The following EBF2 variants were observed in gnomAD, a reference collection of about 807,000 sequenced individuals.
The protein encoded by EBF2 is EBF transcription factor 2.
EBF2 carries 21 observed loss-of-function variants against 72.8 expected under a neutral mutation model. That is an observed-to-expected ratio of 0.29 (90% CI 0.20 to 0.42). The LOEUF (loss-of-function observed/expected upper bound fraction) is 0.42. Ranked by LOEUF, EBF2 falls within the 10% of genes least tolerant of loss-of-function variation. The probability of loss-of-function intolerance (pLI) is 1.00; values close to 1 mark genes in which losing one functional copy is unlikely to be tolerated. For synonymous variants in EBF2, 299 were observed against 274.2 expected (o/e 1.09, Z -0.89); for missense variants, 637 against 731.2 (o/e 0.87, Z 1.49).
chr8:25,842,917 C>G lies in EBF2; in HGVS notation c.*1692G>C, dbSNP rs578166632. The stretch of plus-strand genomic sequence containing the variant: ...AATGCTGAAATCCCAACCAAGAACC[C>G]CAAACTAAGTCTGTGTATAGACTCT... On this transcript the variant is annotated 3_prime_UTR_variant, in exon 16 of 16. Transcript: ENST00000520164. 1 of 152,154 alleles carries G rather than the reference C, an allele frequency of 6.6e-6. No homozygotes were observed. The highest frequency in any genetic ancestry group is 1.5e-5 in the Non-Finnish European group (1 of 68,030). The allele number at this position is 152,154 out of a possible 1,614,324, so 9.4% of individuals were successfully genotyped here.
chr8:25,933,887 G>A (rs1239701470), intron 6 of EBF2, among the ~76,000 whole-genome samples: 1 of 152,108 alleles, frequency 6.6e-6, no homozygotes, highest in Non-Finnish European at 1.5e-5. Context: ...TTTCTGAGCG[G>A]TAAGTTACTG....
chr8:25,888,459 T>G (rs1028779156), intron 8 of EBF2, among the ~76,000 whole-genome samples: 1 of 152,218 alleles, frequency 6.6e-6, no homozygotes, highest in Non-Finnish European at 1.5e-5. Flanking sequence ...AAAAACTCTG[T>G]TGTTTTTGCC....
chr8:26,038,560 G>C (rs537519829), intron 5 of EBF2, among the ~76,000 whole-genome samples: 27 of 152,184 alleles, frequency 1.8e-4, no homozygotes, highest in African/African-American at 6.5e-4. Context: ...TCCAAACAAA[G>C]GCATAAAAAG....
At chr8:25,938,490 C>T (rs1369872395) in intron 6 of EBF2, among the ~76,000 whole-genome samples, 3 of 151,730 alleles carry the variant, frequency 2.0e-5, no homozygotes, top group Admixed American at 6.6e-5. Flanking sequence ...ATACCTTAAC[C>T]GTGTAAGATA....
intron 6 of EBF2, among the ~76,000 whole-genome samples, chr8:25,909,406 T>A (rs1330814150): frequency 6.8e-6 from 1 of 147,446 alleles, no homozygotes. Flanking sequence ...TCCTTTCCCT[T>A]AAAAAAAAAA....
chr8:25,984,606 C>T (rs942198118), intron 6 of EBF2, among the ~76,000 whole-genome samples: 4 of 151,998 alleles, frequency 2.6e-5, no homozygotes, highest in Non-Finnish European at 4.4e-5. Context: ...TGCTTGAAAC[C>T]GGGAGGCGGA....
At chr8:25,998,684 A>G (rs1418740182) in intron 6 of EBF2, among the ~76,000 whole-genome samples, 1 of 152,162 alleles carries the variant, frequency 6.6e-6, no homozygotes, top group Non-Finnish European at 1.5e-5. Context: ...CAGGGCTTAG[A>G]GATTTACAGC....
intron 7 of EBF2, among the ~76,000 whole-genome samples, chr8:25,898,463 AC>A (rs1264411690): frequency 2.6e-5 from 4 of 151,410 alleles, no homozygotes; most frequent in East Asian, 1.9e-4. Flanking sequence ...AAAAAAAAAA[AC>A]CAGCTTTTCA....
chr8:25,915,335 A>G (rs538253789), intron 6 of EBF2, among the ~76,000 whole-genome samples: 1 of 152,258 alleles, frequency 6.6e-6, no homozygotes, highest in Non-Finnish European at 1.5e-5. Context: ...TCACAGGACA[A>G]CTGCCTTACT....
chr8:26,044,928 C>A lies in EBF2; in HGVS notation c.-69G>T, dbSNP rs1459501628. The A allele has an allele frequency of 2.2e-5, 33 of 1,531,762 alleles. No individual in the cohort carries two copies. Among genetic ancestry groups the A allele is most frequent in the South Asian group, 8.6e-5 (7 of 81,362 alleles). The allele number at this position is 1,531,762 out of a possible 1,614,324, so 94.9% of individuals were successfully genotyped here. A position where few individuals can be genotyped will look rare whatever the true frequency, so the allele number is the denominator to read the frequency against. On this transcript the variant is annotated 5_prime_UTR_variant, in exon 1 of 16. Transcript: ENST00000520164. This position sits in a 1 kb window ranked among gnomAD's most constrained non-coding sequence, Gnocchi z 4.1. ...ACAACACAGTCCTGACTGTTCCCAA[C>A]GTTGCCAGCAAATCGTCTCCTCCAA... is the stretch of plus-strand genomic sequence containing the variant.
At chr8:25,946,066 T>C (rs1307787242) in intron 6 of EBF2, among the ~76,000 whole-genome samples, 3 of 152,160 alleles carry the variant, frequency 2.0e-5, no homozygotes, top group African/African-American at 7.2e-5. Context: ...CCTGGCGTGA[T>C]GGGGAAATGC....
At chr8:25,876,886 G>C (rs1484227085) in intron 10 of EBF2, among the ~76,000 whole-genome samples, 1 of 152,198 alleles carries the variant, frequency 6.6e-6, no homozygotes, top group Non-Finnish European at 1.5e-5. Context: ...CTGTAGGACA[G>C]AGCCTTGCCT....
intron 6 of EBF2, among the ~76,000 whole-genome samples, chr8:25,910,595 G>C (rs1026646243): frequency 2.0e-5 from 3 of 152,194 alleles, no homozygotes; most frequent in Admixed American, 6.5e-5. Flanking sequence ...AAGTGCAAAA[G>C]AGATAAATGT....
At chr8:26,001,915 G>A (rs1319341071) in intron 6 of EBF2, among the ~76,000 whole-genome samples, 1 of 152,100 alleles carries the variant, frequency 6.6e-6, no homozygotes, top group Non-Finnish European at 1.5e-5. Context: ...ACAGCCTCTG[G>A]ATCCTAATGA....
chr8:25,953,850 A>G (rs2117171604), intron 6 of EBF2, among the ~76,000 whole-genome samples: 1 of 152,346 alleles, frequency 6.6e-6, no homozygotes, highest in South Asian at 2.1e-4. Flanking sequence ...GTCAGAGATC[A>G]GCGGCTTAGT....
chr8:25,886,734 T>C (rs759001146), intron 10 of EBF2, 21 bp downstream of exon 10: 4 of 1,601,586 alleles, frequency 2.5e-6, no homozygotes, highest in Non-Finnish European at 3.4e-6. Flanking sequence ...CAGCCTCTCT[T>C]GGAATCGTTT....
chr8:25,971,377 T>A (rs1286924565), intron 6 of EBF2, among the ~76,000 whole-genome samples: 5 of 152,182 alleles, frequency 3.3e-5, no homozygotes, highest in African/African-American at 1.2e-4. Flanking sequence ...CCGTGTTCTC[T>A]TTAATGCCCC....
At chr8:25,873,324 T>C (rs984689713) in intron 10 of EBF2, among the ~76,000 whole-genome samples, 1 of 152,174 alleles carries the variant, frequency 6.6e-6, no homozygotes, top group Non-Finnish European at 1.5e-5. Context: ...CCTTTCAAGC[T>C]CTTACATTTT....
intron 6 of EBF2, among the ~76,000 whole-genome samples, chr8:25,946,215 A>G (rs1402164004): frequency 1.3e-5 from 2 of 152,242 alleles, no homozygotes; most frequent in Non-Finnish European, 2.9e-5. Flanking sequence ...GGCAATAACT[A>G]AGAAGAAAAT....
Sources: allele counts gnomAD v4.1 joint callset (sites outside exome capture counted in the v4.1 genomes callset), GRCh38; gene constraint gnomAD v4.1.1; non-coding constraint Gnocchi (gnomAD v3.1); transcripts MANE v1.5; gene names NCBI Gene and HGNC (gene_info 2026-07-23, HGNC 2026-07-21).